The following CFDP1 variants were observed in gnomAD, a reference collection of about 807,000 sequenced individuals.
The protein encoded by CFDP1 is chromatin remodeling protein CFDP1.
A neutral mutation model predicts 40.1 loss-of-function variants in CFDP1; 31 were observed. That is an observed-to-expected ratio of 0.77 (90% CI 0.58 to 1.04). The LOEUF (loss-of-function observed/expected upper bound fraction) is 1.04. Among genes scored for constraint, CFDP1 ranks in the 50% least tolerant of loss-of-function variants. The pLI is 0.00. For missense variants in CFDP1, 423 were observed against 343.4 expected (o/e 1.23, Z -1.83); for synonymous variants, 167 against 120.0 (o/e 1.39, Z -2.56).
chr16:75,368,949 T>G (rs2078734402), intron 5 of CFDP1, among the ~76,000 whole-genome samples: 1 of 152,176 alleles, frequency 6.6e-6, no homozygotes, highest in Non-Finnish European at 1.5e-5. Flanking sequence ...CTTTTTACAT[T>G]TTTCAATAAC....
chr16:75,333,026 T>A (rs2078458307), intron 5 of CFDP1, among the ~76,000 whole-genome samples: 1 of 152,048 alleles, frequency 6.6e-6, no homozygotes, highest in South Asian at 2.1e-4. Flanking sequence ...CAGGCTGGTC[T>A]CGAACTCCTA....
chr16:75,336,496 G>C (rs1189180625), intron 5 of CFDP1, among the ~76,000 whole-genome samples: 1 of 152,210 alleles, frequency 6.6e-6, no homozygotes, highest in South Asian at 2.1e-4. Context: ...GCCGGGAGAA[G>C]ACCCTCCACT....
intron 5 of CFDP1, among the ~76,000 whole-genome samples, chr16:75,317,538 G>C (rs574134655): frequency 1.3e-5 from 2 of 152,188 alleles, no homozygotes; most frequent in Non-Finnish European, 2.9e-5. Flanking sequence ...CCTGAGGTGC[G>C]AACTGCTGTT....
Position 75,327,806 on chromosome 16 carries a change from C to G in CFDP1, c.651-22624G>C, listed in dbSNP as rs142589802. 3.0e-3 allele frequency among the ~76,000 whole-genome samples: 464 copies of G among 152,270 alleles called. 2 individuals are homozygous for G. Among genetic ancestry groups the G allele is most frequent in the African/African-American group, 0.011 (451 of 41,536 alleles). ...TGGCGCGTTCTTGGCTCACTGCAAG[C>G]TCTACTTTTAGGGTTCAAGCGATTC... On this transcript the variant is annotated intron_variant, in intron 5 of 6. Transcript: ENST00000283882.
At chr16:75,388,923 T>G (rs79163965) in intron 5 of CFDP1, among the ~76,000 whole-genome samples, 1 of 151,228 alleles carries the variant, frequency 6.6e-6, no homozygotes. Flanking sequence ...TTAAGGCCTT[T>G]TTTTTTTTTT....
At chr16:75,307,646 C>A (rs1204232405) in intron 5 of CFDP1, among the ~76,000 whole-genome samples, 3 of 152,128 alleles carry the variant, frequency 2.0e-5, no homozygotes, top group Non-Finnish European at 2.9e-5. Context: ...ACAGCCTCAA[C>A]CTCCCTGGGT....
At chr16:75,300,898 C>T (rs1406481333) in intron 6 of CFDP1, among the ~76,000 whole-genome samples, 4 of 151,868 alleles carry the variant, frequency 2.6e-5, no homozygotes, top group Admixed American at 1.3e-4. Flanking sequence ...TGGGACCTCC[C>T]AAGTTTAAAG....
intron 5 of CFDP1, among the ~76,000 whole-genome samples, chr16:75,369,159 C>T (rs1038441617): frequency 3.3e-5 from 5 of 152,124 alleles, no homozygotes; most frequent in Admixed American, 6.5e-5. Flanking sequence ...ATACAGTCCT[C>T]CTCTCCTCAG....
intron 5 of CFDP1, among the ~76,000 whole-genome samples, chr16:75,376,567 TG>T (rs2078798920): frequency 6.6e-6 from 1 of 152,200 alleles, no homozygotes; most frequent in Non-Finnish European, 1.5e-5. Flanking sequence ...AATCAGTAGT[TG>T]CCTGGGGCAA....
chr16:75,378,932 C>G (rs908204959), intron 5 of CFDP1, among the ~76,000 whole-genome samples: 2 of 151,758 alleles, frequency 1.3e-5, no homozygotes, highest in African/African-American at 4.8e-5. Context: ...TAGAAAGCAA[C>G]AACAGAAAGA....
intron 5 of CFDP1, among the ~76,000 whole-genome samples, chr16:75,390,356 G>A (rs1341876248): frequency 6.6e-6 from 1 of 152,236 alleles, no homozygotes; most frequent in African/African-American, 2.4e-5. Flanking sequence ...GGCCTGCACA[G>A]CGCAGTTTTG....
intron 5 of CFDP1, among the ~76,000 whole-genome samples, chr16:75,310,991 A>C (rs1178444858): frequency 6.6e-6 from 1 of 152,236 alleles, no homozygotes; most frequent in East Asian, 1.9e-4. Flanking sequence ...GGGGATATAA[A>C]AATATACAAA....
chr16:75,352,147 C>A (rs952791712), intron 5 of CFDP1, among the ~76,000 whole-genome samples: 3 of 151,870 alleles, frequency 2.0e-5, no homozygotes, highest in Non-Finnish European at 2.9e-5. Flanking sequence ...TTGAGACCAG[C>A]CTGGCGAACA....
intron 5 of CFDP1, among the ~76,000 whole-genome samples, chr16:75,365,142 T>C (rs2078705012): frequency 6.6e-6 from 1 of 152,210 alleles, no homozygotes; most frequent in Non-Finnish European, 1.5e-5. Context: ...TCTAAGCCCA[T>C]AAACAGCTTA....
chr16:75,411,745 G>A, intron 4 of CFDP1, 80 bp downstream of exon 4: 3 of 1,332,568 alleles, frequency 2.3e-6, no homozygotes, highest in South Asian at 2.5e-5. Flanking sequence ...ATTGAAAAGA[G>A]GATAGATGGC....
intron 5 of CFDP1, among the ~76,000 whole-genome samples, chr16:75,315,588 G>A (rs1339093474): frequency 6.6e-6 from 1 of 152,124 alleles, no homozygotes; most frequent in Non-Finnish European, 1.5e-5. Flanking sequence ...TTTGAAAAAT[G>A]TGAAACTGAA....
At chr16:75,426,467 A>C (rs768445202) in intron 1 of CFDP1, among the ~76,000 whole-genome samples, 14 of 152,156 alleles carry the variant, frequency 9.2e-5, no homozygotes, top group Non-Finnish European at 1.8e-4. Context: ...CCAAAAGCAC[A>C]ACCCATAATA....
At chr16:75,358,310 C>T (rs1167368220) in intron 5 of CFDP1, among the ~76,000 whole-genome samples, 2 of 152,058 alleles carry the variant, frequency 1.3e-5, no homozygotes, top group Non-Finnish European at 2.9e-5. Context: ...AGCACAGTGC[C>T]ATCAGATGAG....
chr16:75,414,174 G>A (rs2079185148), intron 2 of CFDP1, among the ~76,000 whole-genome samples: 1 of 151,904 alleles, frequency 6.6e-6, no homozygotes, highest in Non-Finnish European at 1.5e-5. Context: ...AAATGAAAAT[G>A]AGAAAGTGAG....
Sources: gnomAD v4.1 joint callset for allele counts (sites outside exome capture counted in the v4.1 genomes callset) on GRCh38, gnomAD v4.1.1 for gene constraint, MANE v1.5 for transcripts, NCBI Gene and HGNC (gene_info 2026-07-23, HGNC 2026-07-21) for gene names.